SLC24A3: variants seen among roughly 807,000 people sequenced by gnomAD.
SLC24A3 encodes the protein solute carrier family 24 member 3.
A neutral mutation model predicts 75.8 loss-of-function variants in SLC24A3; 28 were observed. The observed-to-expected ratio is 0.37, with a 90% CI of 0.27 to 0.51. The LOEUF (loss-of-function observed/expected upper bound fraction) is 0.51, where lower values mean the gene tolerates loss of function less well. Among genes scored for constraint, SLC24A3 ranks in the 20% least tolerant of loss-of-function variants. The pLI is 0.94. For synonymous variants in SLC24A3, 372 were observed against 334.1 expected, an observed-to-expected ratio of 1.11 and a Z score of -1.24; for missense variants, 663 against 847.8, an observed-to-expected ratio of 0.78 and a Z score of 2.71.
intron 11 of SLC24A3, among the ~76,000 whole-genome samples, chr20:19,684,598 C>T (rs2032652431): frequency 6.6e-6 from 1 of 152,148 alleles, no homozygotes; most frequent in South Asian, 2.1e-4. Flanking sequence ...CATTTTTCTT[C>T]TATTCTTCCA....
intron 8 of SLC24A3, among the ~76,000 whole-genome samples, chr20:19,671,280 G>A (rs1268236736): frequency 6.6e-6 from 1 of 152,208 alleles, no homozygotes; most frequent in Non-Finnish European, 1.5e-5. Context: ...AGGCCATTGA[G>A]GTGGGGCACA....
chr20:19,569,284 A>G (rs1046034516), intron 3 of SLC24A3, among the ~76,000 whole-genome samples: 1 of 152,206 alleles, frequency 6.6e-6, no homozygotes, highest in Non-Finnish European at 1.5e-5. Flanking sequence ...CTTGTTTTGT[A>G]CAATGATTTT....
chr20:19,664,354 A>G (rs1197142846), intron 7 of SLC24A3, among the ~76,000 whole-genome samples: 1 of 152,130 alleles, frequency 6.6e-6, no homozygotes, highest in African/African-American at 2.4e-5. Context: ...TTCTCTGCCC[A>G]TTCTAGTTTG....
At chr20:19,418,717 C>T (rs938028324) in intron 2 of SLC24A3, among the ~76,000 whole-genome samples, 6 of 151,800 alleles carry the variant, frequency 4.0e-5, no homozygotes, top group African/African-American at 1.5e-4. Flanking sequence ...CATCACTCCT[C>T]TTTAAAAGAA....
At chr20:19,570,723 A>T (rs1173182385) in intron 3 of SLC24A3, among the ~76,000 whole-genome samples, 1 of 152,160 alleles carries the variant, frequency 6.6e-6, no homozygotes, top group Non-Finnish European at 1.5e-5. Flanking sequence ...ATATGATATG[A>T]AAGATCTGTG....
chr20:19,280,936 G>A (rs1983642964), intron 1 of SLC24A3, 23 bp from the exon 2 acceptor site: 1 of 1,611,498 alleles, frequency 6.2e-7, no homozygotes, highest in South Asian at 1.1e-5. Flanking sequence ...AATGATGTGT[G>A]GTTATTGTCT....
chr20:19,298,752 A>G lies in SLC24A3; in HGVS notation c.271+17665A>G, dbSNP rs140944612. Among the ~76,000 whole-genome samples, 470 of 152,378 alleles carry G rather than the reference A, an allele frequency of 3.1e-3. 3 individuals are homozygous for G. Among genetic ancestry groups the G allele is most frequent in the African/African-American group, 0.011 (450 of 41,588 alleles). On this transcript the variant is annotated intron_variant, in intron 2 of 16. Transcript: ENST00000328041. ...TCTTTTTATTTTGCAAATCAATGAA[A>G]TAGTTGGTATCATTCCCAGTTACCA...
chr20:19,459,134 C>T (rs1469494843), intron 2 of SLC24A3, among the ~76,000 whole-genome samples: 1 of 152,188 alleles, frequency 6.6e-6, no homozygotes, highest in Non-Finnish European at 1.5e-5. Flanking sequence ...GTGATACATC[C>T]TTCTTGGTTG....
chr20:19,481,026 A>G (rs189418846), intron 2 of SLC24A3, among the ~76,000 whole-genome samples: 4 of 152,334 alleles, frequency 2.6e-5, no homozygotes, highest in Admixed American at 2.0e-4. Context: ...GCCTGGACTT[A>G]TAAAATTTGC....
chr20:19,364,598 G>T (rs1985851505), intron 2 of SLC24A3, among the ~76,000 whole-genome samples: 1 of 152,142 alleles, frequency 6.6e-6, no homozygotes, highest in African/African-American at 2.4e-5. Flanking sequence ...AGGACTACAG[G>T]TGTGCACCAT....
At chr20:19,287,275 G>A (rs1983837837) in intron 2 of SLC24A3, among the ~76,000 whole-genome samples, 2 of 152,186 alleles carry the variant, frequency 1.3e-5, no homozygotes, top group Non-Finnish European at 2.9e-5. Context: ...TGCATTAAGG[G>A]GAAAGAGCAT....
intron 2 of SLC24A3, among the ~76,000 whole-genome samples, chr20:19,354,669 T>C (rs1382792528): frequency 6.6e-6 from 1 of 151,446 alleles, no homozygotes; most frequent in Non-Finnish European, 1.5e-5. Flanking sequence ...TTCAACATCA[T>C]TAGTCATTAG....
chr20:19,529,006 A>G (rs1162097672), intron 3 of SLC24A3, among the ~76,000 whole-genome samples: 1 of 152,180 alleles, frequency 6.6e-6, no homozygotes, highest in African/African-American at 2.4e-5. Context: ...TTGTATCCCC[A>G]TGCTTAGATC....
In SLC24A3 at chr20:19,654,226, G is replaced by A. The variant is rs1026552470; in HGVS notation, c.687+90G>A. 4 of 1,197,756 alleles carry A rather than the reference G, an allele frequency of 3.3e-6. No homozygotes were observed. In the African/African-American group the frequency reaches 4.6e-5, roughly 14 times the overall value. 74.2% of individuals were successfully genotyped at this position (1,197,756 alleles called of 1,614,324 possible). A position where few individuals can be genotyped will look rare whatever the true frequency, so the allele number is the denominator to read the frequency against. ...CTCCTCCACATGGAGTTCACTCGAG[G>A]TCACCGGTGGCGAGTGCGAGATGCA... On this transcript the variant is annotated intron_variant, in intron 7 of 16. Coordinates refer to ENST00000328041, the MANE Select transcript of SLC24A3 (RefSeq NM_020689.4).
At chr20:19,698,317 A>ATTTGGTTTTTTGAATTTT (rs1263283723) in intron 14 of SLC24A3, among the ~76,000 whole-genome samples, 1 of 152,244 alleles carries the variant, frequency 6.6e-6, no homozygotes, top group Non-Finnish European at 1.5e-5. Context: ...CTATCACTGT[A>ATTTGGTTTTTTGAATTTT]TTTGGTTTTT....
At chr20:19,459,548 G>C (rs1205452160) in intron 2 of SLC24A3, among the ~76,000 whole-genome samples, 1 of 152,168 alleles carries the variant, frequency 6.6e-6, no homozygotes. Flanking sequence ...GATTTTCATT[G>C]CATAGACTGT....
intron 15 of SLC24A3, among the ~76,000 whole-genome samples, chr20:19,713,450 A>C (rs992273095): frequency 6.6e-6 from 1 of 152,070 alleles, no homozygotes; most frequent in African/African-American, 2.4e-5. Flanking sequence ...TCTGCTTCCA[A>C]CCTCACTCTG....
At chr20:19,294,221 A>G (rs1372548805) in intron 2 of SLC24A3, among the ~76,000 whole-genome samples, 1 of 152,198 alleles carries the variant, frequency 6.6e-6, no homozygotes, top group Admixed American at 6.5e-5. Flanking sequence ...ATGGAAATCA[A>G]ACCATTTTAA....
At position 19,302,713 on chromosome 20, in the gene SLC24A3, A is replaced by T. The variant is rs575667093; in HGVS notation, c.271+21626A>T. On this transcript the variant is annotated intron_variant, in intron 2 of 16. Transcript: ENST00000328041. ...AAATTTAAGCAAATGTTGTTTTACTATATTAATATTTGTGATGTTCATTCC... is the reference window on the plus strand; with the variant it reads ...AAATTTAAGCAAATGTTGTTTTACTTTATTAATATTTGTGATGTTCATTCC... Among the ~76,000 whole-genome samples the T allele has an allele frequency of 3.9e-5, 6 of 152,288 alleles. No homozygotes were observed. In the East Asian group the frequency reaches 1.2e-3, roughly 29 times the overall value.
Sources: gnomAD v4.1 joint callset for allele counts (sites outside exome capture counted in the v4.1 genomes callset) on GRCh38, gnomAD v4.1.1 for gene constraint, MANE v1.5 for transcripts, NCBI Gene and HGNC (gene_info 2026-07-23, HGNC 2026-07-21) for gene names.